The following PCDHA8 variants were observed in gnomAD, a reference collection of about 807,000 sequenced individuals.
PCDHA8 encodes protocadherin alpha-8.
In PCDHA8, 53 loss-of-function variants were observed where a neutral mutation model predicts 61.8. The ratio of observed to expected loss-of-function variants is 0.86; its 90% CI spans 0.69 to 1.08. PCDHA8 has a LOEUF of 1.08. PCDHA8 is among the 50% of genes least tolerant of loss of function. The pLI, the probability that PCDHA8 is intolerant of heterozygous loss-of-function variation, is 0.00. For synonymous variants in PCDHA8, 618 were observed against 556.6 expected (o/e 1.11, Z -1.55); for missense variants, 1,293 against 1,245.0 (o/e 1.04, Z -0.58).
At chr5:140,912,939 T>C (rs1372074826) in intron 1 of PCDHA8, among the ~76,000 whole-genome samples, 1 of 152,230 alleles carries the variant, frequency 6.6e-6, no homozygotes, top group Middle Eastern at 3.2e-3. Context: ...CATCCTTGTA[T>C]CCCTGGGATA....
chr5:140,893,662 A>T (rs1462433571), intron 1 of PCDHA8, among the ~76,000 whole-genome samples: 5 of 152,204 alleles, frequency 3.3e-5, no homozygotes, highest in African/African-American at 1.2e-4. Context: ...GTTTTAAAAA[A>T]TTTCAGCACT....
intron 1 of PCDHA8, among the ~76,000 whole-genome samples, chr5:140,900,353 C>T (rs1426808430): frequency 6.6e-6 from 1 of 152,092 alleles, no homozygotes; most frequent in Non-Finnish European, 1.5e-5. Flanking sequence ...TCTTGGCTCA[C>T]CGCAACCTCT....
At chr5:140,934,508 C>G (rs2089875994) in intron 1 of PCDHA8, among the ~76,000 whole-genome samples, 1 of 152,096 alleles carries the variant, frequency 6.6e-6, no homozygotes, top group African/African-American at 2.4e-5. Flanking sequence ...CCCAAAGGGT[C>G]CATAGACCAC....
At chr5:140,882,684 G>A (rs781811851) in intron 1 of PCDHA8, 3 of 1,614,172 alleles carry the variant, frequency 1.9e-6, no homozygotes, top group South Asian at 1.1e-5. Context: ...AGCAAGAAAC[G>A]AATAATCATT....
At chr5:140,882,944 G>A (rs2059374287) in intron 1 of PCDHA8, 2 of 1,614,088 alleles carry the variant, frequency 1.2e-6, no homozygotes, top group Non-Finnish European at 8.5e-7. Flanking sequence ...GACTGGCACA[G>A]TTCAGCTGCT....
At chr5:140,935,850 G>A (rs2090589549) in intron 1 of PCDHA8, among the ~76,000 whole-genome samples, 1 of 149,422 alleles carries the variant, frequency 6.7e-6, no homozygotes, top group South Asian at 2.1e-4. Context: ...GCTTAATGGT[G>A]TCTTTTGATT....
intron 1 of PCDHA8, chr5:140,850,713 G>C (rs186966305): frequency 6.3e-7 from 1 of 1,598,196 alleles, no homozygotes; most frequent in Non-Finnish European, 8.6e-7. Context: ...GCCGACGCTG[G>C]TGTGTTCTAG....
chr5:140,850,924 T>A (rs2150502629), intron 1 of PCDHA8: 3 of 1,517,174 alleles, frequency 2.0e-6, no homozygotes, highest in Non-Finnish European at 1.8e-6. Flanking sequence ...ATTTATATAA[T>A]TTTTTTTCTT....
chr5:140,851,763 C>T (rs1554145528), intron 1 of PCDHA8: 1 of 969,364 alleles, frequency 1.0e-6, no homozygotes, highest in Admixed American at 6.3e-5. Context: ...TAAAACATTA[C>T]CCTTATGAAT....
rs1563186680 is a variant in PCDHA8 at position 140,941,223 on chromosome 5, C to CTTTCTT, written c.2395-37724_2395-37719dup. Among the ~76,000 whole-genome samples the CTTTCTT allele has an allele frequency of 6.9e-4, 92 of 132,548 alleles. 1 individual carries two copies. The highest frequency in any genetic ancestry group is 2.7e-3 in the African/African-American group (88 of 33,182). The allele number at this position is 132,548 out of a possible 152,430, so 87.0% of individuals were successfully genotyped here. A position where few individuals can be genotyped will look rare whatever the true frequency, so the allele number is the denominator to read the frequency against. ...TCTTCCTTTCTTTCTTCCTTTCTTT[C>CTTTCTT]TTTCTTTCTTTCTTTCTTTCTTTCT... On this transcript the variant is annotated intron_variant, in intron 1 of 3. Coordinates refer to ENST00000531613, the MANE Select transcript of PCDHA8 (RefSeq NM_018911.3).
intron 1 of PCDHA8, among the ~76,000 whole-genome samples, chr5:140,918,552 A>G (rs1554198667): frequency 6.6e-6 from 1 of 152,206 alleles, no homozygotes; most frequent in Admixed American, 6.5e-5. Context: ...TGTGCAATTG[A>G]GAAGAATGTA....
chr5:140,973,411 C>G (rs545745437), intron 1 of PCDHA8, among the ~76,000 whole-genome samples: 2 of 152,326 alleles, frequency 1.3e-5, no homozygotes, highest in East Asian at 3.9e-4. Context: ...TGAGCTTCCA[C>G]TCCAGTTTTT....
At chr5:140,875,271 C>A (rs1256076154) in intron 1 of PCDHA8, 2 of 1,256,362 alleles carry the variant, frequency 1.6e-6, no homozygotes, top group Non-Finnish European at 2.1e-6. Flanking sequence ...GCTCTACACT[C>A]AGAAGGTGAA....
At chr5:140,941,743 C>G (rs2093156279) in intron 1 of PCDHA8, among the ~76,000 whole-genome samples, 1 of 152,172 alleles carries the variant, frequency 6.6e-6, no homozygotes, top group Admixed American at 6.5e-5. Context: ...ATTATCTTAT[C>G]AGATTTTCAG....
rs1328741778 is a variant in PCDHA8, at chr5:140,850,113, G to T, written c.2394+6398G>T. On this transcript the variant is annotated intron_variant, in intron 1 of 3. Transcript: ENST00000531613. ...ACAGTTCCAGGTGAGCGCGCGCGAC[G>T]CGGGCGTGCCGCCTCTGGGCAGCAA... 18 of 1,595,940 alleles carry T rather than the reference G, an allele frequency of 1.1e-5. 2 individuals are homozygous for T. Among genetic ancestry groups the T allele is most frequent in the Non-Finnish European group, 1.5e-5 (18 of 1,167,848 alleles).
In PCDHA8 at chr5:140,841,984, G is replaced by T. The variant is rs2150326870; in HGVS notation, c.663G>T (p.Glu221Asp). Residue 221 changes from glutamate (E) to aspartate (D), a missense_variant, in exon 1 of 4, where the codon GAG becomes GAT. Glu to Asp is a conservative substitution (Grantham distance 45, BLOSUM62 2). Coordinates refer to ENST00000531613, the MANE Select transcript of PCDHA8 (RefSeq NM_018911.3). ...CAGCCACAGATGGGGGCAAACCTGA[G>T]CTCACAGGCACTGTTCAGCTGCTGG... ...FLTATDGGKP[E>D]LTGTVQLLVT... 5 of 1,613,848 alleles carry T rather than the reference G, an allele frequency of 3.1e-6. No homozygotes were observed. In the East Asian group the frequency reaches 1.1e-4, roughly 36 times the overall value.
At chr5:140,982,608 T>G (rs782789536) in intron 3 of PCDHA8, 45 bp downstream of exon 3, 2 of 1,601,306 alleles carry the variant, frequency 1.2e-6, no homozygotes, top group South Asian at 2.2e-5. Flanking sequence ...TTCTGGAAAG[T>G]GATCAGATGA....
At chr5:140,981,629 G>A (rs1342775971) in intron 2 of PCDHA8, among the ~76,000 whole-genome samples, 1 of 151,994 alleles carries the variant, frequency 6.6e-6, no homozygotes. Flanking sequence ...GGTTTTCTTG[G>A]ACATTTTCTC....
rs572205670 is a variant in PCDHA8 at position 140,933,229 on chromosome 5, G to A, written c.2395-45720G>A. ...TACATGTCTGTTATATTGCATTTAT[G>A]AAAAAGAAAGGACTATAAACACAAA... On this transcript the variant is annotated intron_variant, in intron 1 of 3. Coordinates refer to ENST00000531613, the MANE Select transcript of PCDHA8 (RefSeq NM_018911.3). Among the ~76,000 whole-genome samples, 114 of 151,958 alleles carry A rather than the reference G, an allele frequency of 7.5e-4. 1 individual carries two copies. The highest frequency in any genetic ancestry group is 1.5e-3 in the Non-Finnish European group (99 of 67,810).
Sources: gnomAD v4.1 joint callset for allele counts (sites outside exome capture counted in the v4.1 genomes callset) on GRCh38, gnomAD v4.1.1 for gene constraint, MANE v1.5 for transcripts, NCBI Gene and HGNC (gene_info 2026-07-23, HGNC 2026-07-21) for gene names.